RGS5: variants seen among roughly 807,000 people sequenced by gnomAD.
RGS5 encodes the protein regulator of G protein signaling 5, also known as regulator of G-protein signalling 5.
RGS5 carries 20 observed loss-of-function variants against 18.9 expected under a neutral mutation model. That is an observed-to-expected ratio of 1.06 (90% CI 0.74 to 1.54). The LOEUF (loss-of-function observed/expected upper bound fraction) is 1.54. Ranked by LOEUF, RGS5 falls within the 40% of genes most tolerant of loss-of-function variation. The pLI is 0.00. For missense variants in RGS5, 201 were observed against 211.8 expected (o/e 0.95, Z 0.32); for synonymous variants, 57 against 76.2 (o/e 0.75, Z 1.31).
chr1:163,252,482 CTT>C (rs778360532), intron 2 of RGS5, among the ~76,000 whole-genome samples: 3 of 152,074 alleles, frequency 2.0e-5, no homozygotes, highest in Non-Finnish European at 4.4e-5. Context: ...AAGATTATCT[CTT>C]TTTTTGGTCC....
At chr1:163,240,818 A>G (rs182840684) in intron 2 of RGS5, among the ~76,000 whole-genome samples, 228 of 152,312 alleles carry the variant, frequency 1.5e-3, no homozygotes, top group African/African-American at 5.2e-3. Flanking sequence ...CACCAGGCCA[A>G]AATAGAAATA....
intron 1 of RGS5, among the ~76,000 whole-genome samples, chr1:163,169,781 C>A (rs944466160): frequency 2.0e-5 from 3 of 152,104 alleles, no homozygotes; most frequent in African/African-American, 7.2e-5. Flanking sequence ...AAAATTAAAT[C>A]ATTCCACTTG....
chr1:163,249,562 G>A (rs1201854457), intron 2 of RGS5, among the ~76,000 whole-genome samples: 2 of 152,228 alleles, frequency 1.3e-5, no homozygotes, highest in Non-Finnish European at 2.9e-5. Flanking sequence ...AGGCCAAGGC[G>A]AGCGGATCAC....
intron 1 of RGS5, among the ~76,000 whole-genome samples, chr1:163,314,097 T>C (rs1330456191): frequency 6.6e-6 from 1 of 151,988 alleles, no homozygotes; most frequent in Non-Finnish European, 1.5e-5. Flanking sequence ...AATGAGGTAA[T>C]ACATGGAGAA....
chr1:163,275,520 G>C (rs1177455279), intron 2 of RGS5, among the ~76,000 whole-genome samples: 1 of 152,164 alleles, frequency 6.6e-6, no homozygotes, highest in East Asian at 1.9e-4. Flanking sequence ...CTAAGTTGTT[G>C]ATTTTCACAG....
chr1:163,259,257 T>C (rs1648362114), intron 2 of RGS5, among the ~76,000 whole-genome samples: 1 of 152,048 alleles, frequency 6.6e-6, no homozygotes, highest in Admixed American at 6.6e-5. Context: ...GTTCATGCCA[T>C]TCTCCTGCCT....
Position 163,151,902 on chromosome 1 carries a change from C to T in RGS5, c.384+648G>A, listed in dbSNP as rs1204800521. Reference sequence around the variant, plus strand: ...TGAGATTTTGAAATATTTACATATACATAATGAGATAAGATATCTTAATAT... The same window carrying T: ...TGAGATTTTGAAATATTTACATATATATAATGAGATAAGATATCTTAATAT... On this transcript the variant is annotated intron_variant, in intron 4 of 4. Coordinates refer to ENST00000313961, the MANE Select transcript of RGS5 (RefSeq NM_003617.4). Among the ~76,000 whole-genome samples, 4 of 152,224 alleles carry T rather than the reference C, an allele frequency of 2.6e-5. No individual in the cohort carries two copies. The East Asian group carries it at 7.7e-4, about 29-fold the overall frequency.
intron 3 of RGS5, among the ~76,000 whole-genome samples, chr1:163,161,140 A>C (rs1369892921): frequency 6.6e-6 from 1 of 152,170 alleles, no homozygotes; most frequent in Non-Finnish European, 1.5e-5. Context: ...TTCAAGAGAG[A>C]GAGATATGAG....
intron 2 of RGS5, among the ~76,000 whole-genome samples, chr1:163,295,958 C>T (rs1261321970): frequency 6.6e-6 from 1 of 151,886 alleles, no homozygotes; most frequent in Non-Finnish European, 1.5e-5. Context: ...GGGCAGAGTA[C>T]AGACAAAGGA....
At chr1:163,189,588 G>C (rs149488946) in intron 1 of RGS5, among the ~76,000 whole-genome samples, 37 of 152,294 alleles carry the variant, frequency 2.4e-4, no homozygotes, top group African/African-American at 8.7e-4. Context: ...GGTGATTAAA[G>C]GACCTTAACT....
At chr1:163,251,407 A>G (rs552954055) in intron 2 of RGS5, among the ~76,000 whole-genome samples, 58 of 152,308 alleles carry the variant, frequency 3.8e-4, no homozygotes, top group African/African-American at 1.3e-3. Context: ...TGTAAAGAAA[A>G]GAGAAAAATC....
At chr1:163,312,631 A>C (rs141620571) in intron 1 of RGS5, among the ~76,000 whole-genome samples, 1 of 152,352 alleles carries the variant, frequency 6.6e-6, no homozygotes, top group Non-Finnish European at 1.5e-5. Context: ...AATACATTTT[A>C]AACAGTACTG....
At chr1:163,163,790 A>G (rs753438577) in intron 2 of RGS5, among the ~76,000 whole-genome samples, 1 of 152,208 alleles carries the variant, frequency 6.6e-6, no homozygotes, top group Non-Finnish European at 1.5e-5. Flanking sequence ...TAGACAAAAG[A>G]AAGTAGCTCA....
intron 1 of RGS5, among the ~76,000 whole-genome samples, chr1:163,190,387 T>A (rs1659294180): frequency 6.6e-6 from 1 of 152,142 alleles, no homozygotes; most frequent in South Asian, 2.1e-4. Context: ...AAACCTGAAA[T>A]ACCCATGGTG....
chr1:163,210,524 G>T (rs997954438), intron 1 of RGS5, among the ~76,000 whole-genome samples: 1 of 152,152 alleles, frequency 6.6e-6, no homozygotes, highest in African/African-American at 2.4e-5. Context: ...TAGGGGTTAA[G>T]AGTACAGACT....
At chr1:163,163,126 C>A (rs770801641) in intron 2 of RGS5, among the ~76,000 whole-genome samples, 2 of 151,896 alleles carry the variant, frequency 1.3e-5, no homozygotes, top group Non-Finnish European at 2.9e-5. Context: ...CTGTCCCAGG[C>A]GCAGAATCAG....
At chr1:163,150,916 T>C (rs1167719073) in intron 4 of RGS5, among the ~76,000 whole-genome samples, 1 of 152,164 alleles carries the variant, frequency 6.6e-6, no homozygotes, top group African/African-American at 2.4e-5. Context: ...GGAGTTTTTC[T>C]CTCTCAAACA....
At chr1:163,195,920 C>T (rs1275836635) in intron 1 of RGS5, among the ~76,000 whole-genome samples, 1 of 152,112 alleles carries the variant, frequency 6.6e-6, no homozygotes, top group East Asian at 1.9e-4. Context: ...GGTTTGGTGA[C>T]TTCCCAAAGT....
At chr1:163,218,609 A>C (rs12023076), upstream of RGS5, among the ~76,000 whole-genome samples, 3,226 of 152,028 alleles carry the variant, frequency 0.021, 280 homozygotes, top group East Asian at 0.23. Context: ...AAAAATAAAA[A>C]ATAGAGAAAA....
Sources: allele counts gnomAD v4.1 joint callset (sites outside exome capture counted in the v4.1 genomes callset), GRCh38; gene constraint gnomAD v4.1.1; transcripts MANE v1.5; gene names NCBI Gene and HGNC (gene_info 2026-07-23, HGNC 2026-07-21).